The following NCOA4 variants were observed in gnomAD, a reference collection of about 807,000 sequenced individuals.
The protein encoded by NCOA4 is 70 kDa AR-activator.
A neutral mutation model predicts 69.5 loss-of-function variants in NCOA4; 31 were observed. The ratio of observed to expected loss-of-function variants is 0.45; its 90% CI spans 0.34 to 0.60. NCOA4 has a LOEUF of 0.60. Ranked by LOEUF, NCOA4 falls within the 20% of genes least tolerant of loss-of-function variation. The pLI is 0.02. For synonymous variants in NCOA4, 228 were observed against 252.4 expected, an observed-to-expected ratio of 0.90 and a Z score of 0.92; for missense variants, 600 against 719.2, an observed-to-expected ratio of 0.83 and a Z score of 1.90.
chr10:46,019,366 G>C (rs1839738392), intron 1 of NCOA4: 2 of 985,332 alleles, frequency 2.0e-6, no homozygotes, highest in South Asian at 4.7e-5. Context: ...TGGAGAGCTG[G>C]AGCGTGATGG....
At position 46,011,092 on chromosome 10, in the gene NCOA4, T is replaced by C; in HGVS notation, c.829A>G (p.Thr277Ala). 6.2e-7 allele frequency: 1 copy of C among 1,613,934 alleles called. No homozygotes were observed. Among genetic ancestry groups the C allele is most frequent in the East Asian group, 2.2e-5 (1 of 44,884 alleles). ...ATTTCAATGGAGAAAGAACTAGTAGTGGAATGGCTGTTACACTTTTGATAA... is the reference window on the plus strand; with the variant it reads ...ATTTCAATGGAGAAAGAACTAGTAGCGGAATGGCTGTTACACTTTTGATAA... ...SSYQKCNSHS[T>A]TSSFSIEMEK... The change falls in exon 8 of 10, where the codon ACT (threonine) becomes GCT (alanine). Residue 277 changes from threonine (T) to alanine (A), a missense_variant. Physicochemically the swap from Thr to Ala is moderately conservative, Grantham distance 58 (BLOSUM62 0). Coordinates refer to ENST00000581486, the MANE Select transcript of NCOA4 (RefSeq NM_001145263.2).
chr10:46,017,091 G>A (rs1272868198), intron 1 of NCOA4, among the ~76,000 whole-genome samples: 3 of 152,186 alleles, frequency 2.0e-5, no homozygotes, highest in Non-Finnish European at 4.4e-5. Flanking sequence ...AGACTAAAAG[G>A]TACAGAAGGA....
intron 4 of NCOA4, 50 bp downstream of exon 4, chr10:46,014,804 A>T (rs782493551): frequency 4.1e-6 from 6 of 1,460,534 alleles, no homozygotes; most frequent in Non-Finnish European, 5.7e-6. Context: ...TTCTTTTAGT[A>T]TACCAAAGTT....
chr10:46,015,360 G>T, intron 2 of NCOA4, 94 bp from the exon 3 acceptor site: 7 of 651,676 alleles, frequency 1.1e-5, no homozygotes, highest in Admixed American at 2.5e-5. Context: ...TTTTGGGGGG[G>T]TGGGGTTGGG....
chr10:46,016,495 T>C, intron 2 of NCOA4, 45 bp downstream of exon 2: 1 of 1,380,462 alleles, frequency 7.2e-7, no homozygotes, highest in Non-Finnish European at 9.5e-7. Context: ...AAATCAGCCC[T>C]GTGTCAAGAG....
At chr10:46,030,274 A>G (rs7909927) in intron 1 of NCOA4, among the ~76,000 whole-genome samples, 84,627 of 151,478 alleles carry the variant, frequency 0.56, 24,065 homozygotes, top group South Asian at 0.71. Context: ...GGAAAAGACA[A>G]GCCCGGGCCC....
chr10:46,028,882 T>C (rs1217449935), intron 1 of NCOA4, among the ~76,000 whole-genome samples: 1 of 152,046 alleles, frequency 6.6e-6, no homozygotes, highest in East Asian at 1.9e-4. Context: ...AATGACTGGC[T>C]CTGAATGCTA....
At chr10:46,011,343 C>T in intron 7 of NCOA4, 137 bp from the exon 8 acceptor site, 1 of 791,082 alleles carries the variant, frequency 1.3e-6, no homozygotes, top group Non-Finnish European at 2.0e-6. Context: ...TCTCAGCTCA[C>T]TGCAAGCTCT....
At position 46,012,046 on chromosome 10, in the gene NCOA4, G is replaced by A. The variant is rs559361174; in HGVS notation, c.714+837C>T. ...ACTACACTCCAGCCTGGGAGACAGA[G>A]CAAGACTCGGTCTCAAAAAGAAAGA... On this transcript the variant is annotated intron_variant, in intron 7 of 9. Coordinates refer to ENST00000581486, the MANE Select transcript of NCOA4 (RefSeq NM_001145263.2). Among the ~76,000 whole-genome samples the A allele has an allele frequency of 6.2e-4, 62 of 100,766 alleles. No individual in the cohort carries two copies. In the South Asian group the frequency reaches 0.02, roughly 33 times the overall value. 66.1% of individuals were successfully genotyped at this position (100,766 alleles called of 152,430 possible). A position where few individuals can be genotyped will look rare whatever the true frequency, so the allele number is the denominator to read the frequency against.
chr10:46,006,004 A>G lies in NCOA4; in HGVS notation c.*588T>C, dbSNP rs192790867. The G allele has an allele frequency of 4.9e-6, 1 of 206,036 alleles. No individual in the cohort carries two copies. Among genetic ancestry groups the G allele is most frequent in the East Asian group, 7.5e-5 (1 of 13,414 alleles). 12.8% of individuals were successfully genotyped at this position (206,036 alleles called of 1,614,324 possible). On this transcript the variant is annotated 3_prime_UTR_variant, in exon 10 of 10. Transcript: ENST00000581486. ...TTAAGTGAAGAATAATGTAGAACTA[A>G]CGTGGGCTAAAATGTTTCATAATTA...
rs561327062 is a variant in NCOA4 at position 46,007,579 on chromosome 10, C to G, written c.1840-982G>C. ...TGTTAGGGACTAACACAGCCAGTGA[C>G]TCTTTTTTTTTTTTTTTTTTTTTTT... On this transcript the variant is annotated intron_variant, in intron 9 of 9. Coordinates refer to ENST00000581486, the MANE Select transcript of NCOA4 (RefSeq NM_001145263.2). 2.4e-5 allele frequency among the ~76,000 whole-genome samples: 3 copies of G among 125,714 alleles called. No individual in the cohort carries two copies. In the East Asian group the frequency reaches 7.4e-4, roughly 31 times the overall value. The allele number at this position is 125,714 out of a possible 152,430, so 82.5% of individuals were successfully genotyped here. A position where few individuals can be genotyped will look rare whatever the true frequency, so the allele number is the denominator to read the frequency against.
Position 46,010,713 on chromosome 10 carries a change from ACCT to A in NCOA4, c.1205_1207del (p.Glu402del), listed in dbSNP as rs1337513767. 6.2e-6 allele frequency: 10 copies of A among 1,613,792 alleles called. No individual in the cohort carries two copies. The highest frequency in any genetic ancestry group is 8.5e-6 in the Non-Finnish European group (10 of 1,179,850). ...TGTGCAGGGCTCATTGGCTCTGCAC[ACCT>A]CCTCTACCTTACATGGGTCCTGATG... is the stretch of plus-strand genomic sequence containing the variant. On this transcript the variant is annotated inframe_deletion, in exon 8 of 10. Transcript: ENST00000581486.
chr10:46,022,590 A>G (rs1839944583), intron 1 of NCOA4: 4 of 388,490 alleles, frequency 1.0e-5, no homozygotes, highest in Non-Finnish European at 2.1e-5. Context: ...CCTCCCAGGT[A>G]GCTGGGACTG....
At chr10:46,025,569 T>C (rs1172531355) in intron 1 of NCOA4, among the ~76,000 whole-genome samples, 2 of 152,258 alleles carry the variant, frequency 1.3e-5, no homozygotes, top group East Asian at 3.8e-4. Flanking sequence ...AGCTTTTCTA[T>C]GCATAGGATA....
At chr10:46,008,979 G>A (rs182181823) in intron 9 of NCOA4, 30 of 567,398 alleles carry the variant, frequency 5.3e-5, no homozygotes, top group African/African-American at 3.3e-4. Flanking sequence ...ATGTACATTG[G>A]TTTCTTCTTA....
intron 1 of NCOA4, among the ~76,000 whole-genome samples, chr10:46,027,917 A>C (rs1590184246): frequency 6.6e-6 from 1 of 152,232 alleles, no homozygotes; most frequent in Non-Finnish European, 1.5e-5. Context: ...GCACATTAAG[A>C]GCTATAGAAG....
At chr10:46,014,720 C>T (rs1023872659) in intron 4 of NCOA4, 134 bp downstream of exon 4, 4 of 799,424 alleles carry the variant, frequency 5.0e-6, no homozygotes, top group South Asian at 1.8e-5. Flanking sequence ...ATATTAAATA[C>T]ATGAAGCAGA....
At chr10:46,009,345 G>GT in intron 9 of NCOA4, 66 bp downstream of exon 9, 4 of 1,556,846 alleles carry the variant, frequency 2.6e-6, no homozygotes, top group Non-Finnish European at 3.5e-6. Context: ...GACTTCATAT[G>GT]TAAGACAAAA....
intron 9 of NCOA4, 162 bp downstream of exon 9, chr10:46,009,246 ACAT>A: frequency 6.6e-7 from 1 of 1,514,412 alleles, no homozygotes. Flanking sequence ...CAATTAAAAT[ACAT>A]CAACTTTTTA....
Sources: gnomAD v4.1 joint callset for allele counts (sites outside exome capture counted in the v4.1 genomes callset) on GRCh38, gnomAD v4.1.1 for gene constraint, MANE v1.5 for transcripts, NCBI Gene and HGNC (gene_info 2026-07-23, HGNC 2026-07-21) for gene names.